Variants in ZIC2 observed in about 807,000 individuals in gnomAD.
ZIC2 encodes Zic family zinc finger 2, also known as zinc finger protein ZIC 2.
ZIC2 carries 7 observed loss-of-function variants against 29.5 expected under a neutral mutation model. The ratio of observed to expected loss-of-function variants is 0.24; its 90% CI spans 0.14 to 0.45. The LOEUF is 0.45. Among genes scored for constraint, ZIC2 ranks in the 20% least tolerant of loss-of-function variants. ZIC2 has a pLI of 1.00. For missense variants in ZIC2, 589 were observed against 781.2 expected (o/e 0.75, Z 2.93); for synonymous variants, 408 against 354.2 (o/e 1.15, Z -1.70).
In ZIC2 at chr13:99,985,242, C is replaced by T; in HGVS notation, c.1240-81C>T. ...CGGGGGGAACATTTCTGGGGGTGCT[C>T]TCCCCCAGGGGCCCGGCCCCACAGC... is the stretch of plus-strand genomic sequence containing the variant. On this transcript the variant is annotated intron_variant, in intron 2 of 2. Coordinates refer to ENST00000376335, the MANE Select transcript of ZIC2 (RefSeq NM_007129.5). This position sits in a 1 kb window ranked among gnomAD's most constrained non-coding sequence, Gnocchi z 6.3. 5 of 1,602,870 alleles carry T rather than the reference C, an allele frequency of 3.1e-6. No homozygotes were observed. Among genetic ancestry groups the T allele is most frequent in the East Asian group, 2.2e-5 (1 of 44,660 alleles).
In ZIC2 at chr13:99,982,128, C is replaced by A; in HGVS notation, c.64C>A (p.His22Asn). 1 of 1,315,694 alleles carries A rather than the reference C, an allele frequency of 7.6e-7. No individual in the cohort carries two copies. The highest frequency in any genetic ancestry group is 3.1e-5 in the East Asian group (1 of 32,230). The allele number at this position is 1,315,694 out of a possible 1,614,324, so 81.5% of individuals were successfully genotyped here. Residue 22 changes from histidine (H) to asparagine (N), a missense_variant, in exon 1 of 3, where the codon CAC (histidine) becomes AAC (asparagine). His to Asn is a moderately conservative substitution (Grantham distance 68). This residue lies in a region of ZIC2 where 358 missense variants were observed against 382.0 expected (regional missense o/e 0.94). Transcript: ENST00000376335. Reference sequence around the variant, plus strand: ...GGTGGGCAGCTTCGCGCGCCACCATCACCACTCCGCCGCGGCGGCGGCGGC... The same window carrying A: ...GGTGGGCAGCTTCGCGCGCCACCATAACCACTCCGCCGCGGCGGCGGCGGC... The part of the protein sequence containing the change: ...IGVGSFARHH[H>N]HSAAAAAAAA...
chr13:99,984,782 G>A (rs2053254811), intron 1 of ZIC2, 164 bp from the exon 2 acceptor site: 4 of 754,998 alleles, frequency 5.3e-6, no homozygotes, highest in Non-Finnish European at 8.9e-6. Flanking sequence ...CGGGAAGGCG[G>A]TTAATTTGAT....
intron 1 of ZIC2, among the ~76,000 whole-genome samples, chr13:99,984,013 G>T (rs1161045511): frequency 6.6e-6 from 1 of 152,228 alleles, no homozygotes; most frequent in Admixed American, 6.5e-5. Context: ...GCGGCCTATT[G>T]TTCTCTTCCG....
chr13:99,982,047 C>A lies in ZIC2; in HGVS notation c.-18C>A. On this transcript the variant is annotated 5_prime_UTR_variant, in exon 1 of 3. Coordinates refer to ENST00000376335, the MANE Select transcript of ZIC2 (RefSeq NM_007129.5). The stretch of plus-strand genomic sequence containing the variant: ...CGCGGAGGCGCAGGGCTCGCAGGGG[C>A]GGGCGGGCGCGCTGGCCATGCTCCT... 1 of 1,226,780 alleles carries A rather than the reference C, an allele frequency of 8.2e-7. No homozygotes were observed. Among genetic ancestry groups the A allele is most frequent in the Non-Finnish European group, 1.0e-6 (1 of 986,260 alleles). 76.0% of individuals were successfully genotyped at this position (1,226,780 alleles called of 1,614,324 possible).
chr13:99,985,520 C>G lies in ZIC2; in HGVS notation c.1437C>G (p.Gly479=), dbSNP rs1426661878. 8.6e-6 allele frequency: 9 copies of G among 1,051,016 alleles called. No homozygotes were observed. Among genetic ancestry groups the G allele is most frequent in the South Asian group, 8.8e-5 (2 of 22,832 alleles). The allele number at this position is 1,051,016 out of a possible 1,614,324, so 65.1% of individuals were successfully genotyped here. The part of the protein sequence containing the change: ...AAVSAVHRGG[G]SGSGGAGGGS... ...TGTCCGCGGTGCACCGGGGCGGAGG[C>G]TCGGGCAGTGGCGGCGCGGGAGGCG... Residue 479 remains glycine (G), a synonymous_variant, in exon 3 of 3, where the codon GGC becomes GGG. Coordinates refer to ENST00000376335, the MANE Select transcript of ZIC2 (RefSeq NM_007129.5). This position sits in a 1 kb window ranked among gnomAD's most constrained non-coding sequence, Gnocchi z 6.3.
In ZIC2 at chr13:99,985,748, A is replaced by T; in HGVS notation, c.*66A>T. Reference sequence around the variant, plus strand: ...CGCAGCAGCCCTCCCCGCAGCTAGCAGCGAGGGCACCTTGTGATCATGTTG... The same window carrying T: ...CGCAGCAGCCCTCCCCGCAGCTAGCTGCGAGGGCACCTTGTGATCATGTTG... On this transcript the variant is annotated 3_prime_UTR_variant, in exon 3 of 3. Coordinates refer to ENST00000376335, the MANE Select transcript of ZIC2 (RefSeq NM_007129.5). This position sits in a 1 kb window ranked among gnomAD's most constrained non-coding sequence, Gnocchi z 6.3. 3.2e-6 allele frequency: 3 copies of T among 943,414 alleles called. No individual in the cohort carries two copies. The highest frequency in any genetic ancestry group is 4.2e-6 in the Non-Finnish European group (3 of 705,960). The allele number at this position is 943,414 out of a possible 1,614,324, so 58.4% of individuals were successfully genotyped here. A position where few individuals can be genotyped will look rare whatever the true frequency, so the allele number is the denominator to read the frequency against.
chr13:99,983,508 T>C lies in ZIC2; in HGVS notation c.1075+369T>C, dbSNP rs980924593. Among the ~76,000 whole-genome samples the C allele has an allele frequency of 1.2e-4, 18 of 152,268 alleles. No homozygotes were observed. Among genetic ancestry groups the C allele is most frequent in the African/African-American group, 4.3e-4 (18 of 41,558 alleles). On this transcript the variant is annotated intron_variant, in intron 1 of 2. Coordinates refer to ENST00000376335, the MANE Select transcript of ZIC2 (RefSeq NM_007129.5). The surrounding 1 kb of genome is among the most constrained non-coding windows in gnomAD (Gnocchi z 4.7). ...CGAGCCTAGAGAGGATTTTGCCAGCTTGTCTGAATGTGCTTTTCTGCTCGG... is the reference window on the plus strand; with the variant it reads ...CGAGCCTAGAGAGGATTTTGCCAGCCTGTCTGAATGTGCTTTTCTGCTCGG...
rs1555332502 is a variant in ZIC2 at position 99,985,852 on chromosome 13, TA to T, written c.*172del. 8.0e-5 allele frequency: 20 copies of T among 250,494 alleles called. No individual in the cohort carries two copies. Among genetic ancestry groups the T allele is most frequent in the African/African-American group, 1.9e-4 (8 of 41,894 alleles). 15.5% of individuals were successfully genotyped at this position (250,494 alleles called of 1,614,324 possible). ...TTTTTTAAAGTTTTTTTTTTTTTTT[TA>T]ATAATAATCTAGGCATGAAGAGCAA... On this transcript the variant is annotated 3_prime_UTR_variant, in exon 3 of 3. Coordinates refer to ENST00000376335, the MANE Select transcript of ZIC2 (RefSeq NM_007129.5). This position sits in a 1 kb window ranked among gnomAD's most constrained non-coding sequence, Gnocchi z 6.3.
rs1443340879 is a variant in ZIC2, at chr13:99,982,220, C to G, written c.156C>G (p.Ser52=). The G allele has an allele frequency of 4.0e-6, 6 of 1,512,652 alleles. No individual in the cohort carries two copies. Among genetic ancestry groups the G allele is most frequent in the Non-Finnish European group, 5.3e-6 (6 of 1,137,462 alleles). 93.7% of individuals were successfully genotyped at this position (1,512,652 alleles called of 1,614,324 possible). The part of the protein sequence containing the change: ...LAAAQNGFVD[S]AAAHMGAFKL... ...CGGCGCAGAACGGCTTCGTTGACTCCGCCGCCGCGCACATGGGAGCCTTCA... is the reference window on the plus strand; with the variant it reads ...CGGCGCAGAACGGCTTCGTTGACTCGGCCGCCGCGCACATGGGAGCCTTCA... Residue 52 remains serine, a synonymous_variant, in exon 1 of 3, where the codon TCC becomes TCG. Transcript: ENST00000376335.
rs746320155 is a variant in ZIC2 at position 99,983,338 on chromosome 13, G to A, written c.1075+199G>A. Reference sequence around the variant, plus strand: ...TATTGGGCTAGGTTTTTCCATGTGCGGAAATCGAGTTTTGAATGATTAGCC... The same window carrying A: ...TATTGGGCTAGGTTTTTCCATGTGCAGAAATCGAGTTTTGAATGATTAGCC... On this transcript the variant is annotated intron_variant, in intron 1 of 2. Transcript: ENST00000376335. This position sits in a 1 kb window ranked among gnomAD's most constrained non-coding sequence, Gnocchi z 4.7. Among the ~76,000 whole-genome samples the A allele has an allele frequency of 2.6e-5, 4 of 152,202 alleles. No homozygotes were observed. Among genetic ancestry groups the A allele is most frequent in the Non-Finnish European group, 5.9e-5 (4 of 68,030 alleles).
Position 99,985,966 on chromosome 13 carries a change from C to A in ZIC2, c.*284C>A, listed in dbSNP as rs1436122222. ...AAACCCACAAAAATGTTGAACCAAA[C>A]CTCCCTGCTAATCTCCATGCCCACG... On this transcript the variant is annotated 3_prime_UTR_variant, in exon 3 of 3. Transcript: ENST00000376335. This position sits in a 1 kb window ranked among gnomAD's most constrained non-coding sequence, Gnocchi z 6.3. The A allele has an allele frequency of 4.9e-6, 2 of 411,566 alleles. No homozygotes were observed. Among genetic ancestry groups the A allele is most frequent in the South Asian group, 1.8e-5 (1 of 54,502 alleles). The allele number at this position is 411,566 out of a possible 1,614,324, so 25.5% of individuals were successfully genotyped here.
Position 99,985,491 on chromosome 13 carries a change from G to C in ZIC2, c.1408G>C (p.Ala470Pro). 1 of 1,216,720 alleles carries C rather than the reference G, an allele frequency of 8.2e-7. No homozygotes were observed. Among genetic ancestry groups the C allele is most frequent in the Non-Finnish European group, 1.0e-6 (1 of 985,144 alleles). The allele number at this position is 1,216,720 out of a possible 1,614,324, so 75.4% of individuals were successfully genotyped here. The change falls in exon 3 of 3, where the codon GCG (alanine) becomes CCG (proline). Residue 470 changes from alanine (A) to proline (P), a missense_variant. By Grantham distance (27) the Ala-to-Pro change is conservative. Around this residue, in one of 7 missense-constraint regions of ZIC2, gnomAD observed 135 missense variants for 136.7 expected, o/e 0.99. Coordinates refer to ENST00000376335, the MANE Select transcript of ZIC2 (RefSeq NM_007129.5). The surrounding 1 kb of genome is among the most constrained non-coding windows in gnomAD (Gnocchi z 6.3). ...AAAAAAAAAA[A>P]VSAVHRGGGS... ...GGCGGCGGCTGCGGCGGCGGCGGCCGCGGTGTCCGCGGTGCACCGGGGCGG... is the reference window on the plus strand; with the variant it reads ...GGCGGCGGCTGCGGCGGCGGCGGCCCCGGTGTCCGCGGTGCACCGGGGCGG...
rs938977582 is a variant in ZIC2 at position 99,983,593 on chromosome 13, C to T, written c.1075+454C>T. On this transcript the variant is annotated intron_variant, in intron 1 of 2. Transcript: ENST00000376335. This position sits in a 1 kb window ranked among gnomAD's most constrained non-coding sequence, Gnocchi z 4.7. ...CCACTTCTTTTACTCGGGGTCCAAA[C>T]GCCCTTCCCGGGACTGTTTCCCATG... Among the ~76,000 whole-genome samples the T allele has an allele frequency of 6.6e-6, 1 of 151,716 alleles. No homozygotes were observed. Among genetic ancestry groups the T allele is most frequent in the Non-Finnish European group, 1.5e-5 (1 of 67,870 alleles).
At position 99,982,538 on chromosome 13, in the gene ZIC2, C is replaced by T. The variant is rs1355359540; in HGVS notation, c.474C>T (p.Leu158=). 1.4e-5 allele frequency: 21 copies of T among 1,539,790 alleles called. No individual in the cohort carries two copies. Among genetic ancestry groups the T allele is most frequent in the Admixed American group, 1.9e-5 (1 of 51,388 alleles). ...ACTCGGACGCGCAGGGCCACCTCCT[C>T]TTCCCGGGCCTGCCAGAGCAGCACG... ...HAHSDAQGHL[L]FPGLPEQHGP... is the part of the protein sequence containing the mutation. Residue 158 remains leucine (L), a synonymous_variant, in exon 1 of 3, where the codon CTC becomes CTT. Coordinates refer to ENST00000376335, the MANE Select transcript of ZIC2 (RefSeq NM_007129.5).
rs2053235742 is a variant in ZIC2, at chr13:99,982,036, G to A, written c.-29G>A. On this transcript the variant is annotated 5_prime_UTR_variant, in exon 1 of 3. Transcript: ENST00000376335. ...AGTCGAGGCGGCGCGGAGGCGCAGG[G>A]CTCGCAGGGGCGGGCGGGCGCGCTG... 1 of 1,223,942 alleles carries A rather than the reference G, an allele frequency of 8.2e-7. No homozygotes were observed. Among genetic ancestry groups the A allele is most frequent in the Middle Eastern group, 3.2e-4 (1 of 3,144 alleles). The allele number at this position is 1,223,942 out of a possible 1,614,324, so 75.8% of individuals were successfully genotyped here.
Position 99,981,842 on chromosome 13 carries a change from C to A in ZIC2, c.-223C>A. The stretch of plus-strand genomic sequence containing the variant: ...TCCCGCGCCGCCGCCTCCTCCTCCT[C>A]TTCCTCTCCGCGCCTTCGCTACGCG... On this transcript the variant is annotated 5_prime_UTR_variant, in exon 1 of 3. Transcript: ENST00000376335. 1.1e-6 allele frequency: 1 copy of A among 915,966 alleles called. No individual in the cohort carries two copies. The highest frequency in any genetic ancestry group is 1.5e-6 in the Non-Finnish European group (1 of 653,614). 56.7% of individuals were successfully genotyped at this position (915,966 alleles called of 1,614,324 possible).
chr13:99,985,461 G>T lies in ZIC2; in HGVS notation c.1378G>T (p.Ala460Ser). The T allele has an allele frequency of 7.6e-7, 1 of 1,308,720 alleles. No individual in the cohort carries two copies. Among genetic ancestry groups the T allele is most frequent in the Non-Finnish European group, 9.7e-7 (1 of 1,032,690 alleles). The allele number at this position is 1,308,720 out of a possible 1,614,324, so 81.1% of individuals were successfully genotyped here. Residue 460 changes from alanine to serine, a missense_variant, in exon 3 of 3, where the codon GCG becomes TCG. Ala to Ser is a moderately conservative substitution (Grantham distance 99). Around this residue, in one of 7 missense-constraint regions of ZIC2, gnomAD observed 135 missense variants for 136.7 expected, o/e 0.99. Coordinates refer to ENST00000376335, the MANE Select transcript of ZIC2 (RefSeq NM_007129.5). This position sits in a 1 kb window ranked among gnomAD's most constrained non-coding sequence, Gnocchi z 6.3. ...SSNLSPAAAA[A>S]AAAAAAAAAA... ...CAACCTGTCCCCAGCGGCGGCGGCA[G>T]CGGCGGCGGCGGCTGCGGCGGCGGC... is the stretch of plus-strand genomic sequence containing the variant.
chr13:99,985,468 CGGCGGCTGCGGCGGCGGCGGCCGCGGT>C lies in ZIC2; in HGVS notation c.1387_1413del (p.Ala463_Val471del), dbSNP rs2053261198. On this transcript the variant is annotated inframe_deletion, in exon 3 of 3. Transcript: ENST00000376335. The surrounding 1 kb of genome is among the most constrained non-coding windows in gnomAD (Gnocchi z 6.3). The stretch of plus-strand genomic sequence containing the variant: ...TCCCCAGCGGCGGCGGCAGCGGCGG[CGGCGGCTGCGGCGGCGGCGGCCGCGGT>C]GTCCGCGGTGCACCGGGGCGGAGGC... 7.7e-7 allele frequency: 1 copy of C among 1,304,344 alleles called. No homozygotes were observed. Among genetic ancestry groups the C allele is most frequent in the Non-Finnish European group, 9.7e-7 (1 of 1,035,342 alleles). The allele number at this position is 1,304,344 out of a possible 1,614,324, so 80.8% of individuals were successfully genotyped here. A position where few individuals can be genotyped will look rare whatever the true frequency, so the allele number is the denominator to read the frequency against.
Position 99,982,368 on chromosome 13 carries a change from G to A in ZIC2, c.304G>A (p.Ala102Thr). 1.4e-6 allele frequency: 2 copies of A among 1,477,060 alleles called. No homozygotes were observed. Among genetic ancestry groups the A allele is most frequent in the Admixed American group, 2.6e-5 (1 of 39,088 alleles). The allele number at this position is 1,477,060 out of a possible 1,614,324, so 91.5% of individuals were successfully genotyped here. A position where few individuals can be genotyped will look rare whatever the true frequency, so the allele number is the denominator to read the frequency against. ...AAAAAALGPH[A>T]AHVGSYSGPP... ...TGCGGCCGCAGCGCTCGGGCCCCAC[G>A]CCGCGCACGTTGGCTCCTACTCTGG... is the stretch of plus-strand genomic sequence containing the variant. Residue 102 changes from alanine (A) to threonine (T), a missense_variant, in exon 1 of 3, where the codon GCC becomes ACC. Transcript: ENST00000376335.
Sources: allele counts gnomAD v4.1 joint callset (sites outside exome capture counted in the v4.1 genomes callset), GRCh38; gene constraint gnomAD v4.1.1; regional missense constraint gnomAD v4.1.1; non-coding constraint Gnocchi (gnomAD v3.1); transcripts MANE v1.5; gene names NCBI Gene and HGNC (gene_info 2026-07-23, HGNC 2026-07-21).